MED13L: variants seen among roughly 807,000 people sequenced by gnomAD.
MED13L encodes the protein mediator of RNA polymerase II transcription subunit 13-like.
In MED13L, 7 loss-of-function variants were observed where a neutral mutation model predicts 220.9. The observed-to-expected ratio is 0.03, with a 90% CI of 0.02 to 0.06. The LOEUF is 0.06. MED13L is among the 10% of genes least tolerant of loss of function. The probability of loss-of-function intolerance (pLI) is 1.00; values close to 1 mark genes in which losing one functional copy is unlikely to be tolerated. For synonymous variants in MED13L, 1,011 were observed against 1,015.2 expected (o/e 1.00, Z 0.08); for missense variants, 1,965 against 2,760.5 (o/e 0.71, Z 6.46).
chr12:116,240,660 G>GAC (rs1391359244), intron 1 of MED13L, among the ~76,000 whole-genome samples: 12 of 151,740 alleles, frequency 7.9e-5, no homozygotes, highest in African/African-American at 2.7e-4. Context: ...AGCCTCCCGA[G>GAC]TAGCTGGGAC....
chr12:115,967,790 T>C (rs1876283090), intron 28 of MED13L, among the ~76,000 whole-genome samples: 1 of 152,154 alleles, frequency 6.6e-6, no homozygotes, highest in Admixed American at 6.5e-5. Flanking sequence ...AACCCAACTT[T>C]AAAAAAATAG....
At position 115,980,849 on chromosome 12, in the gene MED13L, G is replaced by A. The variant is rs2137264718; in HGVS notation, c.5265C>T (p.Tyr1755=). The A allele has an allele frequency of 6.2e-7, 1 of 1,607,994 alleles. No individual in the cohort carries two copies. Among genetic ancestry groups the A allele is most frequent in the Non-Finnish European group, 8.5e-7 (1 of 1,177,568 alleles). The part of the protein sequence containing the change: ...QYLKSMAFSV[Y]CQCRRPLPTQ... ...TAGGCAGTGGTCGCCTGCACTGGCA[G>A]TACACTGAAAATGCCATGGACTTCA... Residue 1755 remains tyrosine (Y), a synonymous_variant, in exon 23 of 31, where the codon TAC becomes TAT. Coordinates refer to ENST00000281928, the MANE Select transcript of MED13L (RefSeq NM_015335.5).
chr12:116,015,164 T>C lies in MED13L; in HGVS notation c.1120A>G (p.Asn374Asp), dbSNP rs1456598256. The C allele has an allele frequency of 1.9e-6, 3 of 1,613,966 alleles. No homozygotes were observed. Among genetic ancestry groups the C allele is most frequent in the Middle Eastern group, 1.7e-4 (1 of 6,060 alleles). The change falls in exon 8 of 31, where the codon AAT (asparagine) becomes GAT (aspartate). Residue 374 changes from asparagine (N) to aspartate (D), a missense_variant. By Grantham distance (23) the Asn-to-Asp change is conservative (BLOSUM62 1). Transcript: ENST00000281928. ...RSGKIPPKLH[N>D]HMVHRVWKEC... ...TTCCAGACTCGATGGACCATATGAT[T>C]GTGGAGTTTTGGAGGAATCTTCCCC...
chr12:116,274,426 A>AC (rs1408911598), intron 1 of MED13L, among the ~76,000 whole-genome samples: 2 of 144,426 alleles, frequency 1.4e-5, no homozygotes, highest in African/African-American at 5.0e-5. Context: ...AAACAAAACA[A>AC]AAAAAAAAAA....
At chr12:116,239,490 T>C (rs183938284) in intron 1 of MED13L, among the ~76,000 whole-genome samples, 6 of 152,222 alleles carry the variant, frequency 3.9e-5, no homozygotes, top group African/African-American at 1.4e-4. Flanking sequence ...TTTTCACTTA[T>C]TTTTATATAT....
chr12:116,263,184 T>C (rs984122599), intron 1 of MED13L, among the ~76,000 whole-genome samples: 1 of 152,180 alleles, frequency 6.6e-6, no homozygotes, highest in Non-Finnish European at 1.5e-5. Context: ...AACTATTATG[T>C]AGCTAAATTT....
intron 1 of MED13L, among the ~76,000 whole-genome samples, chr12:116,273,861 T>C (rs1201697123): frequency 6.6e-6 from 1 of 152,240 alleles, no homozygotes; most frequent in African/African-American, 2.4e-5. Context: ...AAATGTCTAC[T>C]TAACATCCAG....
intron 2 of MED13L, among the ~76,000 whole-genome samples, chr12:116,206,950 G>C (rs1178739893): frequency 6.6e-6 from 1 of 151,988 alleles, no homozygotes; most frequent in South Asian, 2.1e-4. Context: ...TAACCAGTTG[G>C]TGACAAAAAC....
At chr12:116,046,572 CA>C (rs1266091540) in intron 4 of MED13L, among the ~76,000 whole-genome samples, 1 of 152,154 alleles carries the variant, frequency 6.6e-6, no homozygotes, top group Non-Finnish European at 1.5e-5. Flanking sequence ...ATATTTGCTT[CA>C]ATTTGTAAGG....
intron 3 of MED13L, among the ~76,000 whole-genome samples, chr12:116,104,299 G>T (rs896440619): frequency 2.0e-5 from 3 of 152,046 alleles, no homozygotes; most frequent in African/African-American, 7.2e-5. Context: ...TGTGAGCCAT[G>T]TGTCCGGCCT....
intron 19 of MED13L, among the ~76,000 whole-genome samples, chr12:115,984,998 C>T (rs1482533337): frequency 1.3e-5 from 2 of 151,940 alleles, no homozygotes; most frequent in Non-Finnish European, 2.9e-5. Context: ...CAGGAGAGCC[C>T]GTATTATTAT....
chr12:116,095,058 A>C (rs1872539760), intron 4 of MED13L, among the ~76,000 whole-genome samples: 1 of 152,112 alleles, frequency 6.6e-6, no homozygotes, highest in South Asian at 2.1e-4. Flanking sequence ...GCTACTTGGG[A>C]GGCTGAAGTG....
chr12:116,081,418 G>C (rs180778221), intron 4 of MED13L, among the ~76,000 whole-genome samples: 2 of 152,202 alleles, frequency 1.3e-5, no homozygotes, highest in Admixed American at 1.3e-4. Flanking sequence ...AAAATTTAAA[G>C]ATTTCACTAA....
intron 3 of MED13L, among the ~76,000 whole-genome samples, chr12:116,103,410 A>T (rs1873259480): frequency 6.6e-6 from 1 of 152,104 alleles, no homozygotes. Flanking sequence ...ACATGTCACC[A>T]CAATCAGCTA....
chr12:116,253,816 G>C (rs989941776), intron 1 of MED13L, among the ~76,000 whole-genome samples: 6 of 132,464 alleles, frequency 4.5e-5, no homozygotes, highest in Non-Finnish European at 9.2e-5. Context: ...CTGGAGTGCA[G>C]TGGCGCAATA....
At chr12:116,091,445 G>C (rs1593033266) in intron 4 of MED13L, among the ~76,000 whole-genome samples, 2 of 152,274 alleles carry the variant, frequency 1.3e-5, no homozygotes, top group Admixed American at 1.3e-4. Context: ...GGCTGAAGTG[G>C]TCTTTCAATT....
chr12:115,965,701 G>A (rs1212996612), intron 29 of MED13L, among the ~76,000 whole-genome samples: 1 of 152,200 alleles, frequency 6.6e-6, no homozygotes, highest in Admixed American at 6.5e-5. Context: ...AATGTGAAGA[G>A]TCCCTGGCAG....
chr12:115,969,723 C>CGTG (rs1418782680), intron 27 of MED13L, among the ~76,000 whole-genome samples: 1 of 152,006 alleles, frequency 6.6e-6, no homozygotes, highest in Non-Finnish European at 1.5e-5. Flanking sequence ...GGGGTTTCAC[C>CGTG]ACGTTGGCCA....
chr12:116,059,208 C>T (rs1869235488), intron 4 of MED13L, among the ~76,000 whole-genome samples: 2 of 152,134 alleles, frequency 1.3e-5, no homozygotes, highest in Non-Finnish European at 2.9e-5. Context: ...GTTGGGACTA[C>T]AGGCATGTGC....
Sources: allele counts gnomAD v4.1 joint callset (sites outside exome capture counted in the v4.1 genomes callset), GRCh38; gene constraint gnomAD v4.1.1; transcripts MANE v1.5; gene names NCBI Gene and HGNC (gene_info 2026-07-23, HGNC 2026-07-21).